The following ARMC2 variants were observed in gnomAD, a reference collection of about 807,000 sequenced individuals.
ARMC2 encodes armadillo repeat containing 2.
A neutral mutation model predicts 90.3 loss-of-function variants in ARMC2; 67 were observed. The ratio of observed to expected loss-of-function variants is 0.74; its 90% CI spans 0.61 to 0.91. The LOEUF (loss-of-function observed/expected upper bound fraction) is 0.91. Among genes scored for constraint, ARMC2 ranks in the 40% least tolerant of loss-of-function variants. The probability of loss-of-function intolerance (pLI) is 0.00; values close to 1 mark genes in which losing one functional copy is unlikely to be tolerated. For synonymous variants in ARMC2, 393 were observed against 393.0 expected, an observed-to-expected ratio of 1.00 and a Z score of 0.00; for missense variants, 920 against 1,030.9, an observed-to-expected ratio of 0.89 and a Z score of 1.47.
At chr6:108,995,255 T>C in the ARMC2 span, among the ~76,000 whole-genome samples, 6 of 152,366 alleles carry the variant, frequency 3.9e-5, no homozygotes, top group African/African-American at 1.4e-4. Context: ...TCTACTTGCT[T>C]AATCTTTAAA....
chr6:108,878,714 G>A (rs1777173500), intron 5 of ARMC2, among the ~76,000 whole-genome samples: 1 of 152,164 alleles, frequency 6.6e-6, no homozygotes. Flanking sequence ...TTACGGAACT[G>A]TCATCCTCAA....
At chr6:109,019,603 T>G in the ARMC2 span, among the ~76,000 whole-genome samples, 1 of 152,206 alleles carries the variant, frequency 6.6e-6, no homozygotes, top group Non-Finnish European at 1.5e-5. Context: ...TATCCTTTAG[T>G]GACACACATG....
At chr6:109,003,737 G>A in the ARMC2 span, among the ~76,000 whole-genome samples, 1 of 152,162 alleles carries the variant, frequency 6.6e-6, no homozygotes, top group Non-Finnish European at 1.5e-5. Flanking sequence ...ATGAATGCCA[G>A]AGGACATCCC....
intron 1 of ARMC2, among the ~76,000 whole-genome samples, chr6:108,849,242 A>T (rs1480388763): frequency 6.6e-6 from 1 of 152,214 alleles, no homozygotes; most frequent in Non-Finnish European, 1.5e-5. Flanking sequence ...TATAATAATT[A>T]TACTTTAATT....
At chr6:109,045,023 CA>C in the ARMC2 span, among the ~76,000 whole-genome samples, 177 of 140,500 alleles carry the variant, frequency 1.3e-3, no homozygotes, top group Admixed American at 1.3e-3. Context: ...GACTCCATTT[CA>C]AAAAAAAAAA....
At chr6:108,978,589 G>T (rs1054821859), downstream of ARMC2, among the ~76,000 whole-genome samples, 7 of 152,320 alleles carry the variant, frequency 4.6e-5, no homozygotes, top group East Asian at 5.8e-4. Flanking sequence ...AATACTGAAA[G>T]TGGGGTGTTA....
the ARMC2 span, chr6:109,009,705 A>C: frequency 6.7e-5 from 22 of 326,070 alleles, no homozygotes; most frequent in Non-Finnish European, 9.6e-5. Context: ...TGGCGGTCTG[A>C]CGCGGCGAGG....
At chr6:108,850,017 T>C (rs572444128) in intron 1 of ARMC2, among the ~76,000 whole-genome samples, 491 of 152,372 alleles carry the variant, frequency 3.2e-3, no homozygotes, top group Middle Eastern at 6.8e-3. Flanking sequence ...TTTTCCCCTG[T>C]TGCAGACATC....
chr6:108,940,697 T>C (rs1776368521), intron 12 of ARMC2, among the ~76,000 whole-genome samples: 1 of 152,212 alleles, frequency 6.6e-6, no homozygotes, highest in Admixed American at 6.5e-5. Context: ...AGCTTGCCTT[T>C]CTATGTCTGC....
At chr6:108,870,990 G>A (rs924668089) in intron 4 of ARMC2, among the ~76,000 whole-genome samples, 3 of 152,210 alleles carry the variant, frequency 2.0e-5, no homozygotes, top group African/African-American at 7.2e-5. Flanking sequence ...ATTTGCTTTA[G>A]CTCAGGTGGC....
intron 5 of ARMC2, among the ~76,000 whole-genome samples, chr6:108,877,720 A>G (rs1017110431): frequency 6.6e-6 from 1 of 152,240 alleles, no homozygotes; most frequent in Non-Finnish European, 1.5e-5. Context: ...ACCAGACAAG[A>G]GCTATTTAAT....
intron 4 of ARMC2, among the ~76,000 whole-genome samples, chr6:108,869,684 GAT>G: frequency 6.6e-6 from 1 of 152,112 alleles, no homozygotes; most frequent in East Asian, 1.9e-4. Context: ...ATGCCCTTCT[GAT>G]CCCGTGTGAG....
At chr6:108,927,453 A>G (rs1775192262) in intron 10 of ARMC2, among the ~76,000 whole-genome samples, 1 of 152,230 alleles carries the variant, frequency 6.6e-6, no homozygotes, top group Non-Finnish European at 1.5e-5. Flanking sequence ...AGCACACTGC[A>G]TATTAAAATT....
intron 3 of ARMC2, among the ~76,000 whole-genome samples, chr6:108,862,703 G>C (rs1409986969): frequency 6.6e-6 from 1 of 152,036 alleles, no homozygotes; most frequent in Non-Finnish European, 1.5e-5. Context: ...GAGAGGGAGA[G>C]AGAGTGGCAG....
At chr6:108,982,707 C>T in the ARMC2 span, among the ~76,000 whole-genome samples, 2 of 151,774 alleles carry the variant, frequency 1.3e-5, no homozygotes, top group African/African-American at 4.8e-5. Context: ...TATTGATTTA[C>T]ATTTTTTATA....
intron 12 of ARMC2, among the ~76,000 whole-genome samples, chr6:108,949,243 T>C (rs1339143846): frequency 6.6e-6 from 1 of 152,216 alleles, no homozygotes; most frequent in Non-Finnish European, 1.5e-5. Context: ...CCAAAACTTA[T>C]TAACATCACT....
At chr6:109,051,822 A>G in the ARMC2 span, among the ~76,000 whole-genome samples, 1 of 152,190 alleles carries the variant, frequency 6.6e-6, no homozygotes, top group Non-Finnish European at 1.5e-5. Context: ...CCTTCTTGCT[A>G]TCTCCTTACA....
the ARMC2 span, chr6:108,988,295 T>A: frequency 2.9e-6 from 1 of 345,350 alleles, no homozygotes; most frequent in Admixed American, 4.7e-5. Flanking sequence ...AACAGTCTTC[T>A]ATGTGCTGAC....
chr6:108,961,482 G>T (rs1341637190), intron 13 of ARMC2, 90 bp from the exon 14 acceptor site: 5 of 1,407,216 alleles, frequency 3.6e-6, no homozygotes, highest in Admixed American at 2.4e-5. Flanking sequence ...ATCGCAGCCG[G>T]CTCCTGGCCC....
Sources: gnomAD v4.1 joint callset for allele counts (sites outside exome capture counted in the v4.1 genomes callset) on GRCh38, gnomAD v4.1.1 for gene constraint, MANE v1.5 for transcripts, NCBI Gene and HGNC (gene_info 2026-07-23, HGNC 2026-07-21) for gene names.